The following AADAC variants were observed in gnomAD, a reference collection of about 807,000 sequenced individuals.
The protein encoded by AADAC is arylacetamide deacetylase (esterase).
A neutral mutation model predicts 22.7 loss-of-function variants in AADAC; 17 were observed. The observed-to-expected ratio is 0.75, with a 90% CI of 0.51 to 1.12. The LOEUF is 1.12. Among genes scored for constraint, AADAC ranks in the 50% most tolerant of loss-of-function variants. The probability of loss-of-function intolerance (pLI) is 0.00; values close to 1 mark genes in which losing one functional copy is unlikely to be tolerated. For missense variants in AADAC, 465 were observed against 473.9 expected (o/e 0.98, Z 0.17); for synonymous variants, 167 against 176.3 (o/e 0.95, Z 0.42).
At chr3:151,815,507 T>A (rs548946671) in intron 1 of AADAC, among the ~76,000 whole-genome samples, 2 of 152,114 alleles carry the variant, frequency 1.3e-5, no homozygotes, top group Non-Finnish European at 2.9e-5. Context: ...TGCAGAGCTA[T>A]TAAAGAGCTT....
chr3:151,823,868 A>AT (rs5853544), intron 3 of AADAC, among the ~76,000 whole-genome samples: 24,836 of 151,804 alleles, frequency 0.16, 2,329 homozygotes, highest in African/African-American at 0.21. Context: ...TCCCCATAAC[A>AT]TTTTTTTACT....
intron 3 of AADAC, among the ~76,000 whole-genome samples, chr3:151,822,386 G>A (rs558331997): frequency 1.1e-4 from 17 of 151,882 alleles, no homozygotes; most frequent in African/African-American, 4.1e-4. Context: ...CCTTAAAAGT[G>A]GAAGCAACCC....
In AADAC at chr3:151,828,290, T is replaced by A; in HGVS notation, c.*118T>A. ...TAAGTTCCACATGTAGCATAATTCT[T>A]AAATAGGCACTTTTCTGTTTTTTTT... On this transcript the variant is annotated 3_prime_UTR_variant, in exon 5 of 5. Transcript: ENST00000232892. 2 of 512,310 alleles carry A rather than the reference T, an allele frequency of 3.9e-6. No homozygotes were observed. The highest frequency in any genetic ancestry group is 6.3e-6 in the Non-Finnish European group (2 of 315,806). 31.7% of individuals were successfully genotyped at this position (512,310 alleles called of 1,614,324 possible).
chr3:151,822,349 T>A (rs1371680789), intron 3 of AADAC, among the ~76,000 whole-genome samples: 1 of 152,030 alleles, frequency 6.6e-6, no homozygotes, highest in Non-Finnish European at 1.5e-5. Context: ...TAAAAACTTG[T>A]ATGTTCACAG....
chr3:151,826,575 T>G (rs1316494165), intron 4 of AADAC, among the ~76,000 whole-genome samples: 2 of 151,990 alleles, frequency 1.3e-5, no homozygotes, highest in African/African-American at 4.8e-5. Flanking sequence ...TTAGAAGTTC[T>G]ATACATCTTT....
intron 2 of AADAC, among the ~76,000 whole-genome samples, chr3:151,819,293 A>T (rs1208778881): frequency 6.6e-6 from 1 of 151,660 alleles, no homozygotes; most frequent in African/African-American, 2.4e-5. Context: ...CTCAAGAAAG[A>T]GGAAATAATA....
chr3:151,820,300 T>C, intron 2 of AADAC, 83 bp from the exon 3 acceptor site: 3 of 920,644 alleles, frequency 3.3e-6, no homozygotes, highest in Non-Finnish European at 3.2e-6. Flanking sequence ...GTGAAAGAAG[T>C]GCAGCAGGAT....
intron 2 of AADAC, among the ~76,000 whole-genome samples, chr3:151,819,421 C>G: frequency 6.6e-6 from 1 of 151,724 alleles, no homozygotes; most frequent in Non-Finnish European, 1.5e-5. Flanking sequence ...GGGATATTCA[C>G]AGAGAAACAC....
chr3:151,826,976 G>A (rs1445796356), intron 4 of AADAC, among the ~76,000 whole-genome samples: 1 of 151,848 alleles, frequency 6.6e-6, no homozygotes, highest in Non-Finnish European at 1.5e-5. Flanking sequence ...GTGCAGTGGT[G>A]TTTTCTCAGC....
At position 151,827,763 on chromosome 3, in the gene AADAC, T is replaced by C. The variant is rs778421302; in HGVS notation, c.791T>C (p.Met264Thr). Residue 264 changes from methionine to threonine, a missense_variant, in exon 5 of 5, where the codon ATG becomes ACG. Physicochemically the swap from Met to Thr is moderately conservative, Grantham distance 81 (BLOSUM62 -1). Transcript: ENST00000232892. ...ACTGATAGATCACTTGAAAAAGCCA[T>C]GCTTTCCAGACAACATGTACCTGTG... ...FTTDRSLEKA[M>T]LSRQHVPVES... The C allele has an allele frequency of 6.2e-7, 1 of 1,613,336 alleles. No individual in the cohort carries two copies. Among genetic ancestry groups the C allele is most frequent in the Non-Finnish European group, 8.5e-7 (1 of 1,179,522 alleles).
At chr3:151,815,335 T>C (rs1241867138) in intron 1 of AADAC, among the ~76,000 whole-genome samples, 2 of 151,996 alleles carry the variant, frequency 1.3e-5, no homozygotes, top group East Asian at 3.9e-4. Flanking sequence ...CACCAACAAG[T>C]AAAAACACCC....
In AADAC at chr3:151,820,931, GA is replaced by G. The variant is rs199524330; in HGVS notation, c.431+488del. Reference sequence around the variant, plus strand: ...CTAGGCTTAACCTGATTAGAGTTGAGAAAAAAAAATCTGTATATGTGTGTAC... The same window carrying G: ...CTAGGCTTAACCTGATTAGAGTTGAGAAAAAAAATCTGTATATGTGTGTAC... On this transcript the variant is annotated intron_variant, in intron 3 of 4. Coordinates refer to ENST00000232892, the MANE Select transcript of AADAC (RefSeq NM_001086.3). 1.4e-4 allele frequency among the ~76,000 whole-genome samples: 21 copies of G among 149,284 alleles called. No individual in the cohort carries two copies. The South Asian group carries it at 1.9e-3, about 14-fold the overall frequency.
intron 4 of AADAC, among the ~76,000 whole-genome samples, chr3:151,825,860 G>C (rs2108035428): frequency 6.6e-6 from 1 of 152,024 alleles, no homozygotes; most frequent in South Asian, 2.1e-4. Flanking sequence ...GCAGTCAGGA[G>C]AAGAAGCTAC....
At position 151,827,636 on chromosome 3, in the gene AADAC, C is replaced by T; in HGVS notation, c.664C>T (p.Leu222Phe). The change falls in exon 5 of 5, where the codon CTT (leucine) becomes TTT (phenylalanine). Residue 222 changes from leucine to phenylalanine, a missense_variant. Leu to Phe is a conservative substitution (Grantham distance 22). Transcript: ENST00000232892. ...GATCCAGTCTTTAATTTATCCTGCC[C>T]TTCAGCCTCTTGATGTAGATTTACC... ...LKIQSLIYPA[L>F]QPLDVDLPSY... 1.9e-6 allele frequency: 3 copies of T among 1,609,648 alleles called. No individual in the cohort carries two copies. Among genetic ancestry groups the T allele is most frequent in the Non-Finnish European group, 2.5e-6 (3 of 1,177,744 alleles).
At chr3:151,816,392 C>T (rs1030219757) in intron 1 of AADAC, among the ~76,000 whole-genome samples, 2 of 152,072 alleles carry the variant, frequency 1.3e-5, no homozygotes, top group African/African-American at 2.4e-5. Context: ...AGTTTCTACT[C>T]CCAAGTAGCT....
chr3:151,817,484 T>G lies in AADAC; in HGVS notation c.257T>G (p.Phe86Cys). 1 of 1,613,802 alleles carries G rather than the reference T, an allele frequency of 6.2e-7. No homozygotes were observed. The highest frequency in any genetic ancestry group is 8.5e-7 in the Non-Finnish European group (1 of 1,179,740). ...AATGTCACTGTGACTGAGACAAAAT[T>G]CAACAACATTCTTGTTCGGGTATAT... ...DENVTVTETK[F>C]NNILVRVYVP... The change falls in exon 2 of 5, where the codon TTC becomes TGC. Residue 86 changes from phenylalanine (F) to cysteine (C), a missense_variant. Transcript: ENST00000232892.
intron 2 of AADAC, among the ~76,000 whole-genome samples, chr3:151,818,137 G>A (rs9810783): frequency 0.6 from 90,539 of 150,870 alleles, 27,624 homozygotes; most frequent in Non-Finnish European, 0.64. Context: ...GCTACTCGGG[G>A]GGCTGAGGCA....
chr3:151,818,240 CAA>C (rs57922305), intron 2 of AADAC, among the ~76,000 whole-genome samples: 85,318 of 139,308 alleles, frequency 0.61, 25,454 homozygotes, highest in Non-Finnish European at 0.65. Flanking sequence ...GACTCTGCCT[CAA>C]AAAAAAAAAA....
At chr3:151,821,531 T>C (rs1344256166) in intron 3 of AADAC, among the ~76,000 whole-genome samples, 1 of 152,020 alleles carries the variant, frequency 6.6e-6, no homozygotes, top group African/African-American at 2.4e-5. Context: ...ATCATTATTA[T>C]AAAGTTGGGA....
Sources: gnomAD v4.1 joint callset for allele counts (sites outside exome capture counted in the v4.1 genomes callset) on GRCh38, gnomAD v4.1.1 for gene constraint, MANE v1.5 for transcripts, NCBI Gene and HGNC (gene_info 2026-07-23, HGNC 2026-07-21) for gene names.